ADPRHL1: variants seen among roughly 807,000 people sequenced by gnomAD.
ADPRHL1 encodes inactive ADP-ribosyltransferase ARH2.
In ADPRHL1, 43 loss-of-function variants were observed where a neutral mutation model predicts 44.1. The ratio of observed to expected loss-of-function variants is 0.98; its 90% CI spans 0.76 to 1.26. The LOEUF (loss-of-function observed/expected upper bound fraction) is 1.26, where lower values mean the gene tolerates loss of function less well. ADPRHL1 is among the 50% of genes most tolerant of loss of function. The pLI is 0.00. For synonymous variants in ADPRHL1, 878 were observed against 1,017.4 expected (o/e 0.86, Z 2.61); for missense variants, 2,022 against 2,496.9 (o/e 0.81, Z 4.05).
chr13:113,425,222 T>C lies in ADPRHL1; in HGVS notation c.647-43A>G, dbSNP rs745685083. On this transcript the variant is annotated intron_variant, in intron 4 of 7. Transcript: ENST00000612156. ...GGGGAGCTGAACACAATGGCATCCA[T>C]GGAGTGGGGCGGGTGCAGGGAGTTG... 10 of 673,886 alleles carry C rather than the reference T, an allele frequency of 1.5e-5. No individual in the cohort carries two copies. The South Asian group carries it at 1.9e-4, about 13-fold the overall frequency. 41.7% of individuals were successfully genotyped at this position (673,886 alleles called of 1,614,324 possible).
Position 113,404,861 on chromosome 13 carries a change from C to A in ADPRHL1, c.4421G>T (p.Gly1474Val). 8.0e-7 allele frequency: 1 copy of A among 1,247,288 alleles called. No individual in the cohort carries two copies. The allele number at this position is 1,247,288 out of a possible 1,614,324, so 77.3% of individuals were successfully genotyped here. A position where few individuals can be genotyped will look rare whatever the true frequency, so the allele number is the denominator to read the frequency against. ...CGGGCTTCCCGGCCCCTCGGGCTCC[C>A]CTGGAGGCACAGCTGGGTTCCTGGC... ...RAARNPAVPP[G>V]EPEGPGSPAA... The change falls in exon 8 of 8, where the codon GGG becomes GTG. Residue 1474 changes from glycine to valine, a missense_variant. Gly to Val is a moderately radical substitution (Grantham distance 109). Transcript: ENST00000612156.
At chr13:113,418,290 A>G (rs1351263425) in intron 7 of ADPRHL1, among the ~76,000 whole-genome samples, 1 of 152,200 alleles carries the variant, frequency 6.6e-6, no homozygotes, top group Non-Finnish European at 1.5e-5. Flanking sequence ...CACCTGCTGC[A>G]TGGCTGGCCA....
At chr13:113,448,973 T>G in intron 1 of ADPRHL1, 6 of 985,652 alleles carry the variant, frequency 6.1e-6, no homozygotes, top group Non-Finnish European at 7.2e-6. Context: ...AGGCCGCCCC[T>G]CCCCAGGCCT....
intron 1 of ADPRHL1, among the ~76,000 whole-genome samples, chr13:113,446,306 A>G (rs1006321262): frequency 5.3e-5 from 8 of 151,514 alleles, no homozygotes; most frequent in African/African-American, 1.7e-4. Flanking sequence ...GAGAGCACTC[A>G]GGGCCCCATG....
chr13:113,411,131 C>A (rs948044990), intron 7 of ADPRHL1, among the ~76,000 whole-genome samples: 5 of 152,202 alleles, frequency 3.3e-5, no homozygotes, highest in African/African-American at 1.2e-4. Context: ...CTTCCCACAT[C>A]CCTCGCTGAT....
intron 7 of ADPRHL1, chr13:113,422,250 A>G (rs570129917): frequency 6.6e-6 from 1 of 151,866 alleles, no homozygotes; most frequent in South Asian, 2.1e-4. Flanking sequence ...ATCTAGTGTG[A>G]TTAAAAAGGT....
At chr13:113,439,936 CT>C (rs1362661650) in intron 2 of ADPRHL1, among the ~76,000 whole-genome samples, 4 of 152,102 alleles carry the variant, frequency 2.6e-5, no homozygotes, top group Admixed American at 2.0e-4. Flanking sequence ...GATTTTACTC[CT>C]CTCGTTCATA....
chr13:113,399,890 C>T lies in ADPRHL1; in HGVS notation c.*3488G>A, dbSNP rs1191143077. The T allele has an allele frequency of 3.3e-5, 5 of 151,860 alleles. No individual in the cohort carries two copies. The highest frequency in any genetic ancestry group is 1.2e-4 in the African/African-American group (5 of 41,382). The allele number at this position is 151,860 out of a possible 1,614,324, so 9.4% of individuals were successfully genotyped here. A position where few individuals can be genotyped will look rare whatever the true frequency, so the allele number is the denominator to read the frequency against. ...GTAAAATCCCAGACAACGACCCTCC[C>T]TGAGCGAGTGTCCTGAACATGACCA... On this transcript the variant is annotated 3_prime_UTR_variant, in exon 8 of 8. Transcript: ENST00000612156.
chr13:113,447,245 C>T (rs1188249878), intron 1 of ADPRHL1, among the ~76,000 whole-genome samples: 22 of 78,574 alleles, frequency 2.8e-4, no homozygotes, highest in East Asian at 4.6e-4. Flanking sequence ...GTGTGCATGG[C>T]GTCTACACGC....
intron 1 of ADPRHL1, among the ~76,000 whole-genome samples, chr13:113,448,385 G>A (rs1013410954): frequency 7.0e-6 from 1 of 143,274 alleles, no homozygotes; most frequent in Non-Finnish European, 1.5e-5. Flanking sequence ...AGAATCGCTT[G>A]AACTCAGGAG....
At position 113,404,918 on chromosome 13, in the gene ADPRHL1, C is replaced by G. The variant is rs532885889; in HGVS notation, c.4364G>C (p.Arg1455Pro). Reference sequence around the variant, plus strand: ...GGTGCCCTCTCCCCACGCCGTGCTCCGCCCCCGCTCCTCCCAGGGTCCCTG... The same window carrying G: ...GGTGCCCTCTCCCCACGCCGTGCTCGGCCCCCGCTCCTCCCAGGGTCCCTG... ...HLQGPWEERG[R>P]STAWGEGTRA... is the part of the protein sequence containing the mutation. Residue 1455 changes from arginine to proline, a missense_variant, in exon 8 of 8, where the codon CGG becomes CCG. Arg to Pro is a moderately radical substitution (Grantham distance 103). Coordinates refer to ENST00000612156, the MANE Select transcript of ADPRHL1 (RefSeq NM_001394807.1). The G allele has an allele frequency of 1.6e-6, 2 of 1,244,356 alleles. No homozygotes were observed. Among genetic ancestry groups the G allele is most frequent in the Non-Finnish European group, 2.0e-6 (2 of 996,374 alleles). The allele number at this position is 1,244,356 out of a possible 1,614,324, so 77.1% of individuals were successfully genotyped here. A position where few individuals can be genotyped will look rare whatever the true frequency, so the allele number is the denominator to read the frequency against.
In ADPRHL1 at chr13:113,433,845, G is replaced by C. The variant is rs1234769104; in HGVS notation, c.402C>G (p.Thr134=). 4 of 1,565,066 alleles carry C rather than the reference G, an allele frequency of 2.6e-6. No individual in the cohort carries two copies. The highest frequency in any genetic ancestry group is 2.3e-5 in the South Asian group (2 of 85,192). Residue 134 remains threonine, a synonymous_variant, in exon 3 of 8, where the codon ACC becomes ACG. Transcript: ENST00000612156. ...ACCGCAGGCCGATGCACATGGCCTT[G>C]GTGGCCGCTCCAAACCCTGAGCCTG... ...NEKGSGFGAA[T]KAMCIGLRYW... is the part of the protein sequence containing the mutation.
Position 113,453,208 on chromosome 13 carries a change from G to A in ADPRHL1, c.214+16C>T, listed in dbSNP as rs747138242. 14 of 1,613,762 alleles carry A rather than the reference G, an allele frequency of 8.7e-6. No individual in the cohort carries two copies. Among genetic ancestry groups the A allele is most frequent in the Middle Eastern group, 1.7e-4 (1 of 5,976 alleles). On this transcript the variant is annotated intron_variant, in intron 1 of 7. Coordinates refer to ENST00000612156, the MANE Select transcript of ADPRHL1 (RefSeq NM_001394807.1). The surrounding 1 kb of genome is among the most constrained non-coding windows in gnomAD (Gnocchi z 5.4). Reference sequence around the variant, plus strand: ...CCCTCCAGCCCGCACACCGGAGCGCGGTGGGCCCAGCCTACCTGTGGTGAG... The same window carrying A: ...CCCTCCAGCCCGCACACCGGAGCGCAGTGGGCCCAGCCTACCTGTGGTGAG...
intron 7 of ADPRHL1, among the ~76,000 whole-genome samples, chr13:113,416,225 T>C (rs1263930140): frequency 6.6e-6 from 1 of 152,010 alleles, no homozygotes; most frequent in Non-Finnish European, 1.5e-5. Context: ...CCTGAGTATC[T>C]GTATTTCCTG....
Position 113,442,895 on chromosome 13 carries a change from T to A in ADPRHL1, c.379+1530A>T, listed in dbSNP as rs571345589. Among the ~76,000 whole-genome samples, 48 of 152,334 alleles carry A rather than the reference T, an allele frequency of 3.2e-4. No homozygotes were observed. In the South Asian group the frequency reaches 4.3e-3, roughly 14 times the overall value. Reference sequence around the variant, plus strand: ...ATCTTGGATTCTTTCTCTTTGTGTGTCTCACCGTGGATAGTTTCTGCTGCT... The same window carrying A: ...ATCTTGGATTCTTTCTCTTTGTGTGACTCACCGTGGATAGTTTCTGCTGCT... On this transcript the variant is annotated intron_variant, in intron 2 of 7. Transcript: ENST00000612156.
chr13:113,447,051 TTGTGTGTGCATGGTGTCTACATGCATGG>T (rs1455184189), intron 1 of ADPRHL1, among the ~76,000 whole-genome samples: 1 of 147,078 alleles, frequency 6.8e-6, no homozygotes, highest in African/African-American at 2.5e-5. Flanking sequence ...ATGCACGGTG[TTGTGTGTGCATGGTGTCTACATGCATGG>T]TGTGTGTGCA....
intron 2 of ADPRHL1, 119 bp from the exon 3 acceptor site, chr13:113,433,986 G>A (rs999021865): frequency 1.7e-4 from 231 of 1,389,904 alleles, no homozygotes; most frequent in Middle Eastern, 9.6e-4. Flanking sequence ...TGTTATCAGA[G>A]TGTGGTTTAA....
chr13:113,415,563 C>T (rs1022720113), intron 7 of ADPRHL1, among the ~76,000 whole-genome samples: 18 of 152,050 alleles, frequency 1.2e-4, no homozygotes, highest in Admixed American at 2.0e-4. Flanking sequence ...CCAGTCTGGC[C>T]AACAGGGTGA....
At chr13:113,419,061 T>TCCCTCCCTCCCTC (rs1169975243) in intron 7 of ADPRHL1, among the ~76,000 whole-genome samples, 7 of 130,590 alleles carry the variant, frequency 5.4e-5, no homozygotes, top group Admixed American at 8.6e-5. Flanking sequence ...TTCTTCTCCT[T>TCCCTCCCTCCCTC]CCTTCACTCC....
Sources: allele counts gnomAD v4.1 joint callset (sites outside exome capture counted in the v4.1 genomes callset), GRCh38; gene constraint gnomAD v4.1.1; non-coding constraint Gnocchi (gnomAD v3.1); transcripts MANE v1.5; gene names NCBI Gene and HGNC (gene_info 2026-07-23, HGNC 2026-07-21).